The following LINGO2 variants were observed in gnomAD, a reference collection of about 807,000 sequenced individuals.
The protein encoded by LINGO2 is leucine rich repeat and Ig domain containing 2.
A neutral mutation model predicts 30.6 loss-of-function variants in LINGO2; 14 were observed. That is an observed-to-expected ratio of 0.46 (90% CI 0.30 to 0.72). The LOEUF (loss-of-function observed/expected upper bound fraction) is 0.72. Among genes scored for constraint, LINGO2 ranks in the 30% least tolerant of loss-of-function variants. The probability of loss-of-function intolerance (pLI) is 0.07; values close to 1 mark genes in which losing one functional copy is unlikely to be tolerated. For missense variants in LINGO2, 729 were observed against 751.7 expected (o/e 0.97, Z 0.35); for synonymous variants, 317 against 288.5 (o/e 1.10, Z -1.00).
intron 1 of LINGO2, among the ~76,000 whole-genome samples, chr9:28,549,478 A>G (rs983680669): frequency 1.3e-5 from 2 of 152,020 alleles, no homozygotes; most frequent in African/African-American, 4.8e-5. Context: ...TAGGGTTTAA[A>G]GTTAAAAATG....
intron 1 of LINGO2, among the ~76,000 whole-genome samples, chr9:28,476,863 A>C (rs1360918641): frequency 6.6e-6 from 1 of 152,250 alleles, no homozygotes; most frequent in Non-Finnish European, 1.5e-5. Flanking sequence ...TTTATTAAGG[A>C]AAATTTAAAT....
intron 1 of LINGO2, among the ~76,000 whole-genome samples, chr9:28,572,657 G>A (rs940019998): frequency 6.6e-6 from 1 of 151,548 alleles, no homozygotes; most frequent in Non-Finnish European, 1.5e-5. Flanking sequence ...TCCTTTCAGC[G>A]CTCTTGAATA....
the LINGO2 span, among the ~76,000 whole-genome samples, chr9:29,032,879 A>C: frequency 6.6e-6 from 1 of 152,170 alleles, no homozygotes; most frequent in Non-Finnish European, 1.5e-5. Flanking sequence ...ATCATTTGAA[A>C]AAGTTCTGAT....
chr9:28,885,054 A>C, the LINGO2 span, among the ~76,000 whole-genome samples: 1 of 127,266 alleles, frequency 7.9e-6, no homozygotes, highest in East Asian at 2.4e-4. Context: ...TGCATTTAGA[A>C]ACCTCAAAAT....
chr9:28,681,638 T>C, the LINGO2 span, among the ~76,000 whole-genome samples: 2 of 152,114 alleles, frequency 1.3e-5, no homozygotes, highest in South Asian at 2.1e-4. Flanking sequence ...CTTAGAGGGT[T>C]AAAGCTACAC....
intron 4 of LINGO2, among the ~76,000 whole-genome samples, chr9:28,161,062 C>A (rs1828271720): frequency 6.6e-6 from 1 of 152,288 alleles, no homozygotes; most frequent in South Asian, 2.1e-4. Context: ...TTAACCAGAC[C>A]AAACTCCTGC....
chr9:28,732,886 A>G, the LINGO2 span, among the ~76,000 whole-genome samples: 16 of 152,266 alleles, frequency 1.1e-4, no homozygotes, highest in South Asian at 2.7e-3. Context: ...GGCCGGATGC[A>G]AGAAATCCTG....
chr9:28,863,472 C>T, the LINGO2 span, among the ~76,000 whole-genome samples: 1 of 152,058 alleles, frequency 6.6e-6, no homozygotes, highest in Non-Finnish European at 1.5e-5. Flanking sequence ...GGTTTGATCA[C>T]TGTTAACACT....
the LINGO2 span, among the ~76,000 whole-genome samples, chr9:29,017,522 G>A: frequency 1.3e-5 from 2 of 152,248 alleles, no homozygotes; most frequent in East Asian, 3.9e-4. Flanking sequence ...AGTCAAGATG[G>A]TGGACTAGAA....
At chr9:28,790,394 T>C in the LINGO2 span, among the ~76,000 whole-genome samples, 4 of 147,314 alleles carry the variant, frequency 2.7e-5, no homozygotes, top group South Asian at 8.9e-4. Flanking sequence ...AGTCGTGCGA[T>C]CTCGGCTCAC....
At chr9:28,603,501 C>T (rs1160017215) in intron 1 of LINGO2, among the ~76,000 whole-genome samples, 1 of 151,892 alleles carries the variant, frequency 6.6e-6, no homozygotes, top group Non-Finnish European at 1.5e-5. Flanking sequence ...AAATTGTAGC[C>T]ACATTAATGT....
At chr9:29,120,013 G>C in the LINGO2 span, among the ~76,000 whole-genome samples, 8 of 152,152 alleles carry the variant, frequency 5.3e-5, no homozygotes, top group Admixed American at 1.3e-4. Flanking sequence ...AATACAAGTT[G>C]TGCAAATGGG....
At chr9:28,312,243 C>A (rs980666659) in intron 3 of LINGO2, among the ~76,000 whole-genome samples, 24 of 148,088 alleles carry the variant, frequency 1.6e-4, no homozygotes, top group African/African-American at 5.9e-4. Flanking sequence ...TTCAAATGGC[C>A]AGCTCAGCCC....
chr9:28,362,320 G>GT (rs74658786), intron 3 of LINGO2, among the ~76,000 whole-genome samples: 34,935 of 152,032 alleles, frequency 0.23, 4,377 homozygotes, highest in South Asian at 0.43. Context: ...AGATTTCACT[G>GT]TTTTGCTTCA....
intron 4 of LINGO2, among the ~76,000 whole-genome samples, chr9:28,181,641 C>T (rs762279796): frequency 6.6e-6 from 1 of 152,156 alleles, no homozygotes; most frequent in Non-Finnish European, 1.5e-5. Context: ...AAATTGACAG[C>T]AAAGACCCTG....
intron 5 of LINGO2, among the ~76,000 whole-genome samples, chr9:27,970,944 T>C (rs895348174): frequency 6.6e-6 from 1 of 151,062 alleles, no homozygotes; most frequent in Non-Finnish European, 1.5e-5. Context: ...ATCTAGTATG[T>C]AAACTCATAA....
At chr9:28,336,853 G>C (rs1825606739) in intron 3 of LINGO2, among the ~76,000 whole-genome samples, 1 of 151,396 alleles carries the variant, frequency 6.6e-6, no homozygotes, top group Non-Finnish European at 1.5e-5. Context: ...CTTATTACTA[G>C]AATACTTTTT....
At chr9:28,078,022 T>C (rs901473260) in intron 4 of LINGO2, among the ~76,000 whole-genome samples, 2 of 149,380 alleles carry the variant, frequency 1.3e-5, no homozygotes, top group African/African-American at 5.2e-5. Flanking sequence ...GTTTAACATA[T>C]CTTTTTTTGT....
At chr9:28,951,222 C>T in the LINGO2 span, among the ~76,000 whole-genome samples, 1 of 152,100 alleles carries the variant, frequency 6.6e-6, no homozygotes, top group African/African-American at 2.4e-5. Flanking sequence ...CTTCCTTACA[C>T]CTTCTGCAAA....
Sources: allele counts gnomAD v4.1 joint callset (sites outside exome capture counted in the v4.1 genomes callset), GRCh38; gene constraint gnomAD v4.1.1; transcripts MANE v1.5; gene names NCBI Gene and HGNC (gene_info 2026-07-23, HGNC 2026-07-21).